The following EPM2A variants were observed in gnomAD, a reference collection of about 807,000 sequenced individuals.
The protein encoded by EPM2A is EPM2A glucan phosphatase, laforin, also known as laforin.
Under a neutral mutation model 26.5 loss-of-function variants are expected in EPM2A, and 21 were observed. The observed-to-expected ratio is 0.79, with a 90% confidence interval of 0.56 to 1.14. The LOEUF is 1.14. EPM2A is among the 50% of genes most tolerant of loss of function. The pLI is 0.00. For synonymous variants in EPM2A, 217 were observed against 177.6 expected (o/e 1.22, Z -1.76); for missense variants, 458 against 440.8 (o/e 1.04, Z -0.35).
At chr6:145,438,277 T>C (rs115670807) in intron 4 of EPM2A, among the ~76,000 whole-genome samples, 1 of 152,016 alleles carries the variant, frequency 6.6e-6, no homozygotes, top group Non-Finnish European at 1.5e-5. Flanking sequence ...AGAAGCAGGG[T>C]GCAGGGCTGA....
chr6:145,689,506 T>C (rs1781138823), intron 1 of EPM2A, among the ~76,000 whole-genome samples: 1 of 152,216 alleles, frequency 6.6e-6, no homozygotes, highest in Non-Finnish European at 1.5e-5. Context: ...TTGAGTTCCC[T>C]GCATTTTCTT....
intron 2 of EPM2A, among the ~76,000 whole-genome samples, chr6:145,591,588 A>C (rs544305032): frequency 6.6e-6 from 1 of 152,316 alleles, no homozygotes; most frequent in East Asian, 1.9e-4. Context: ...TTAGAACTCT[A>C]CATTCAACAA....
At position 145,625,846 on chromosome 6, in the gene EPM2A, T is replaced by C. The variant is rs991808061; in HGVS notation, c.*1570A>G. 2 of 1,542,122 alleles carry C rather than the reference T, an allele frequency of 1.3e-6. No homozygotes were observed. The highest frequency in any genetic ancestry group is 2.7e-5 in the African/African-American group (2 of 72,922). Reference sequence around the variant, plus strand: ...CCCACGCCTTCTAAATAAGAGTCTCTTGCATCTATCAATATGTGTTTGTGG... The same window carrying C: ...CCCACGCCTTCTAAATAAGAGTCTCCTGCATCTATCAATATGTGTTTGTGG... On this transcript the variant is annotated 3_prime_UTR_variant, in exon 4 of 4. Coordinates refer to ENST00000367519, the MANE Select transcript of EPM2A (RefSeq NM_005670.4).
rs192742384 is a variant in EPM2A at position 145,699,753 on chromosome 6, G to A, written c.302-13457C>T. Among the ~76,000 whole-genome samples the A allele has an allele frequency of 2.4e-4, 36 of 152,264 alleles. No homozygotes were observed. The East Asian group carries it at 6.8e-3, about 29-fold the overall frequency. On this transcript the variant is annotated intron_variant, in intron 1 of 3. Coordinates refer to ENST00000367519, the MANE Select transcript of EPM2A (RefSeq NM_005670.4). ...AACTGGATTTCATGACTTGGAAAGT[G>A]AAGAACAGAATTACACATCTCTAAC...
intron 2 of EPM2A, chr6:145,682,377 A>G (rs1347654436): frequency 6.6e-6 from 1 of 152,188 alleles, no homozygotes; most frequent in Non-Finnish European, 1.5e-5. Flanking sequence ...TTGGGTCGGG[A>G]CACAGCCAAA....
chr6:145,470,969 C>T (rs1582780918), intron 4 of EPM2A, among the ~76,000 whole-genome samples: 1 of 152,232 alleles, frequency 6.6e-6, no homozygotes, highest in East Asian at 1.9e-4. Context: ...GTATTGACTC[C>T]AAGTTTTGGG....
intron 4 of EPM2A, among the ~76,000 whole-genome samples, chr6:145,434,933 A>T (rs147495112): frequency 1.3e-3 from 194 of 152,036 alleles, no homozygotes; most frequent in Non-Finnish European, 2.4e-3. Flanking sequence ...CCTCAAGATA[A>T]TAAGTTCTTA....
At chr6:145,533,999 C>G (rs995799439) in intron 2 of EPM2A, among the ~76,000 whole-genome samples, 1 of 151,832 alleles carries the variant, frequency 6.6e-6, no homozygotes, top group African/African-American at 2.4e-5. Flanking sequence ...GTTCTGAAAG[C>G]CTTTGTCAAG....
chr6:145,415,291 T>G (rs1434165373), intron 4 of EPM2A, among the ~76,000 whole-genome samples: 1 of 152,210 alleles, frequency 6.6e-6, no homozygotes, highest in Non-Finnish European at 1.5e-5. Context: ...ACTGTTGGCT[T>G]TCATAAAATT....
intron 2 of EPM2A, among the ~76,000 whole-genome samples, chr6:145,670,085 A>G (rs987986259): frequency 2.6e-5 from 4 of 152,096 alleles, no homozygotes; most frequent in Admixed American, 6.6e-5. Flanking sequence ...TTACACACAG[A>G]TTTTGCTCCT....
chr6:145,391,427 G>A (rs971434664), intron 4 of EPM2A, among the ~76,000 whole-genome samples: 1 of 151,956 alleles, frequency 6.6e-6, no homozygotes, highest in African/African-American at 2.4e-5. Context: ...TAATGTATAG[G>A]GCCTAATTGC....
At chr6:145,397,723 T>C in intron 4 of EPM2A, among the ~76,000 whole-genome samples, 1 of 152,202 alleles carries the variant, frequency 6.6e-6, no homozygotes, top group East Asian at 1.9e-4. Context: ...AAGGCTCTTA[T>C]CAAGTATTAT....
chr6:145,576,671 T>C (rs1288380616), intron 2 of EPM2A, among the ~76,000 whole-genome samples: 22 of 152,184 alleles, frequency 1.4e-4, no homozygotes, highest in Non-Finnish European at 1.5e-5. Context: ...TATGAAAGGA[T>C]ACTAGTGTGC....
chr6:145,717,396 G>T (rs914938436), intron 1 of EPM2A, among the ~76,000 whole-genome samples: 1 of 152,024 alleles, frequency 6.6e-6, no homozygotes. Flanking sequence ...ATGCAGAAAA[G>T]GCCTTTGACA....
At chr6:145,578,901 G>T (rs1280591279) in intron 2 of EPM2A, among the ~76,000 whole-genome samples, 5 of 151,802 alleles carry the variant, frequency 3.3e-5, no homozygotes, top group Middle Eastern at 3.2e-3. Flanking sequence ...AAAATAATTT[G>T]CTCATATCCT....
At chr6:145,479,704 G>T (rs1779589577) in intron 4 of EPM2A, among the ~76,000 whole-genome samples, 1 of 151,992 alleles carries the variant, frequency 6.6e-6, no homozygotes, top group African/African-American at 2.4e-5. Flanking sequence ...TGTAAATAAT[G>T]TTGCAATGAA....
intron 2 of EPM2A, among the ~76,000 whole-genome samples, chr6:145,587,293 T>G (rs1336871697): frequency 6.6e-6 from 1 of 152,186 alleles, no homozygotes; most frequent in Non-Finnish European, 1.5e-5. Flanking sequence ...ACCAAAAACA[T>G]GTTTCTATTT....
At chr6:145,508,982 G>A (rs542016465) in intron 2 of EPM2A, among the ~76,000 whole-genome samples, 53 of 151,234 alleles carry the variant, frequency 3.5e-4, no homozygotes, top group Non-Finnish European at 6.5e-4. Flanking sequence ...TGACAAAGCA[G>A]AAGAAAAAAA....
intron 2 of EPM2A, chr6:145,636,115 A>G (rs1261186919): frequency 1.3e-5 from 2 of 152,306 alleles, no homozygotes; most frequent in Non-Finnish European, 2.9e-5. Flanking sequence ...ATTGAGGTTT[A>G]TTATAGAAAA....
Sources: gnomAD v4.1 joint callset for allele counts (sites outside exome capture counted in the v4.1 genomes callset) on GRCh38, gnomAD v4.1.1 for gene constraint, MANE v1.5 for transcripts, NCBI Gene and HGNC (gene_info 2026-07-23, HGNC 2026-07-21) for gene names.